ANKRD16: variants seen among roughly 807,000 people sequenced by gnomAD.
The protein encoded by ANKRD16 is ankyrin repeat domain 16.
A neutral mutation model predicts 37.9 loss-of-function variants in ANKRD16; 35 were observed. The ratio of observed to expected loss-of-function variants is 0.92; its 90% CI spans 0.71 to 1.23. The LOEUF is 1.23. Among genes scored for constraint, ANKRD16 ranks in the 50% most tolerant of loss-of-function variants. The probability of loss-of-function intolerance (pLI) is 0.00; values close to 1 mark genes in which losing one functional copy is unlikely to be tolerated. For synonymous variants in ANKRD16, 206 were observed against 197.2 expected (o/e 1.04, Z -0.37); for missense variants, 480 against 469.9 (o/e 1.02, Z -0.20).
At position 5,862,520 on chromosome 10, in the gene ANKRD16, A is replaced by T; in HGVS notation, c.*205T>A. On this transcript the variant is annotated 3_prime_UTR_variant, in exon 8 of 8. Coordinates refer to ENST00000380094, the MANE Select transcript of ANKRD16 (RefSeq NM_019046.3). This position sits in a 1 kb window ranked among gnomAD's most constrained non-coding sequence, Gnocchi z 6.5. ...GGGAGCTGACCTTGGGGGCCAGTGC[A>T]GATGTGGCACTGACTTCACCACTGG... 1 of 1,029,606 alleles carries T rather than the reference A, an allele frequency of 9.7e-7. No individual in the cohort carries two copies. Among genetic ancestry groups the T allele is most frequent in the Non-Finnish European group, 1.3e-6 (1 of 756,990 alleles). 63.8% of individuals were successfully genotyped at this position (1,029,606 alleles called of 1,614,324 possible).
At chr10:5,876,897 T>G (rs577312050) in intron 7 of ANKRD16, among the ~76,000 whole-genome samples, 5 of 152,258 alleles carry the variant, frequency 3.3e-5, no homozygotes, top group Admixed American at 3.3e-4. Context: ...GAAAAAAAAG[T>G]AGAAAAAGAA....
At chr10:5,867,330 A>C (rs1459250072) in intron 7 of ANKRD16, among the ~76,000 whole-genome samples, 4 of 152,148 alleles carry the variant, frequency 2.6e-5, no homozygotes, top group Admixed American at 2.6e-4. Context: ...GAGATTAAGG[A>C]AAAAAGACAC....
chr10:5,879,937 T>C (rs976002205), intron 6 of ANKRD16, among the ~76,000 whole-genome samples: 1 of 151,984 alleles, frequency 6.6e-6, no homozygotes, highest in Non-Finnish European at 1.5e-5. Context: ...GGCAGGTAGA[T>C]TGTTTGAGGT....
At position 5,884,020 on chromosome 10, in the gene ANKRD16, T is replaced by C. The variant is rs1842368931; in HGVS notation, c.636A>G (p.Ala212=). The change falls in exon 4 of 8, where the codon GCA becomes GCG. Residue 212 remains alanine, a synonymous_variant. Coordinates refer to ENST00000380094, the MANE Select transcript of ANKRD16 (RefSeq NM_019046.3). The stretch of plus-strand genomic sequence containing the variant: ...CGACGTCGATGTGCCCACACTGGAT[T>C]GCGTCCATCAAGGCGGTGACGCCAC... ...DNCGVTALMD[A]IQCGHIDVAR... is the part of the protein sequence containing the mutation. The C allele has an allele frequency of 6.2e-7, 1 of 1,614,222 alleles. No individual in the cohort carries two copies. The highest frequency in any genetic ancestry group is 1.1e-5 in the South Asian group (1 of 91,090).
At chr10:5,872,283 AG>A (rs1465211882) in intron 7 of ANKRD16, among the ~76,000 whole-genome samples, 4 of 152,052 alleles carry the variant, frequency 2.6e-5, no homozygotes, top group Non-Finnish European at 4.4e-5. Flanking sequence ...GTTTGAGACC[AG>A]CCTGGCCAAC....
chr10:5,887,743 ATCC>A, intron 2 of ANKRD16, 101 bp downstream of exon 2: 8 of 779,008 alleles, frequency 1.0e-5, no homozygotes, highest in Non-Finnish European at 1.4e-5. Context: ...GTTTTCCAAA[ATCC>A]TCCTTTCCCC....
At chr10:5,867,991 C>T (rs1013545929) in intron 7 of ANKRD16, among the ~76,000 whole-genome samples, 10 of 152,064 alleles carry the variant, frequency 6.6e-5, no homozygotes, top group African/African-American at 1.2e-4. Flanking sequence ...TACGAGATGC[C>T]GCCTGGCGTT....
Position 5,863,555 on chromosome 10 carries a change from G to A in ANKRD16, c.*34-864C>T, listed in dbSNP as rs1841971227. Among the ~76,000 whole-genome samples, 3 of 152,076 alleles carry A rather than the reference G, an allele frequency of 2.0e-5. No homozygotes were observed. In the South Asian group the frequency reaches 6.2e-4, roughly 32 times the overall value. ...AAAATGGACCAATCAGCAGGACGTG[G>A]GCGGGGACAAATAAGAGAATAAAAG... On this transcript the variant is annotated intron_variant, in intron 7 of 7. Coordinates refer to ENST00000380094, the MANE Select transcript of ANKRD16 (RefSeq NM_019046.3). The surrounding 1 kb of genome is among the most constrained non-coding windows in gnomAD (Gnocchi z 4.7).
rs1031312724 is a variant in ANKRD16, at chr10:5,864,173, A to G, written c.*34-1482T>C. Among the ~76,000 whole-genome samples the G allele has an allele frequency of 6.6e-6, 1 of 152,154 alleles. No individual in the cohort carries two copies. The highest frequency in any genetic ancestry group is 6.5e-5 in the Admixed American group (1 of 15,284). ...ATGTCCAAGCTTTCTTTTAAGGAGA[A>G]TCCACAACTATGCAAAGCTTACAAC... On this transcript the variant is annotated intron_variant, in intron 7 of 7. Coordinates refer to ENST00000380094, the MANE Select transcript of ANKRD16 (RefSeq NM_019046.3). This position sits in a 1 kb window ranked among gnomAD's most constrained non-coding sequence, Gnocchi z 4.4.
chr10:5,877,101 G>C (rs1842197153), intron 7 of ANKRD16, among the ~76,000 whole-genome samples: 1 of 133,856 alleles, frequency 7.5e-6, no homozygotes, highest in South Asian at 2.6e-4. Flanking sequence ...AAATATCTTA[G>C]TTACATTTTC....
Position 5,865,425 on chromosome 10 carries a change from T to C in ANKRD16, c.*34-2734A>G, listed in dbSNP as rs1432148136. ...CATCACCCTCACTGAGCCCCAGGTATGTTTAACTATTGAGGGCCAGGAAAT... is the reference window on the plus strand; with the variant it reads ...CATCACCCTCACTGAGCCCCAGGTACGTTTAACTATTGAGGGCCAGGAAAT... On this transcript the variant is annotated intron_variant, in intron 7 of 7. Transcript: ENST00000380094. This position sits in a 1 kb window ranked among gnomAD's most constrained non-coding sequence, Gnocchi z 4.7. Among the ~76,000 whole-genome samples the C allele has an allele frequency of 6.6e-6, 1 of 152,162 alleles. No homozygotes were observed. The highest frequency in any genetic ancestry group is 1.5e-5 in the Non-Finnish European group (1 of 68,036).
chr10:5,883,904 G>C (rs1306196423), intron 4 of ANKRD16, 65 bp downstream of exon 4: 1 of 1,435,030 alleles, frequency 7.0e-7, no homozygotes, highest in East Asian at 2.3e-5. Flanking sequence ...AATGTGCTCT[G>C]CTTAACCTGT....
rs1261903802 is a variant in ANKRD16 at position 5,866,906 on chromosome 10, CAG to C, written c.*34-4217_*34-4216del. Among the ~76,000 whole-genome samples the C allele has an allele frequency of 6.6e-6, 1 of 150,898 alleles. No homozygotes were observed. Among genetic ancestry groups the C allele is most frequent in the East Asian group, 1.9e-4 (1 of 5,138 alleles). On this transcript the variant is annotated intron_variant, in intron 7 of 7. Coordinates refer to ENST00000380094, the MANE Select transcript of ANKRD16 (RefSeq NM_019046.3). This position sits in a 1 kb window ranked among gnomAD's most constrained non-coding sequence, Gnocchi z 4.3. ...GAGGAAGAGACAGACAAAGAAGAGT[CAG>C]AGAGAGAGAAACAGAAAGTCAAAGA...
At chr10:5,883,611 C>G (rs547318462) in intron 4 of ANKRD16, among the ~76,000 whole-genome samples, 10 of 152,292 alleles carry the variant, frequency 6.6e-5, no homozygotes, top group African/African-American at 2.4e-4. Context: ...AAAGGGCTCT[C>G]TAATCAAAAA....
At chr10:5,881,438 T>TTATAAATAAATATATATATATA (rs1422263395) in intron 5 of ANKRD16, among the ~76,000 whole-genome samples, 1 of 51,026 alleles carries the variant, frequency 2.0e-5, no homozygotes, top group Non-Finnish European at 3.8e-5. Context: ...AAAATATTAT[T>TTATAAATAAATATATATATATA]TATATATATA....
chr10:5,881,377 A>G (rs1352547120), intron 5 of ANKRD16, among the ~76,000 whole-genome samples: 1 of 147,392 alleles, frequency 6.8e-6, no homozygotes, highest in African/African-American at 2.5e-5. Context: ...CATAAATGGG[A>G]ATTCCTATTA....
At chr10:5,872,181 T>G (rs1479464478) in intron 7 of ANKRD16, among the ~76,000 whole-genome samples, 2 of 151,986 alleles carry the variant, frequency 1.3e-5, no homozygotes, top group African/African-American at 2.4e-5. Flanking sequence ...GATTTGCTTG[T>G]AAAATAAAGT....
In ANKRD16 at chr10:5,864,693, G is replaced by A. The variant is rs901978203; in HGVS notation, c.*34-2002C>T. ...CAAATTCCCTACTGGTCAGCAAGCC[G>A]TCCCCATTATGGATCTCCAGTGGGA... On this transcript the variant is annotated intron_variant, in intron 7 of 7. Coordinates refer to ENST00000380094, the MANE Select transcript of ANKRD16 (RefSeq NM_019046.3). The surrounding 1 kb of genome is among the most constrained non-coding windows in gnomAD (Gnocchi z 4.4). Among the ~76,000 whole-genome samples, 7 of 151,762 alleles carry A rather than the reference G, an allele frequency of 4.6e-5. No homozygotes were observed. In the East Asian group the frequency reaches 7.7e-4, roughly 17 times the overall value.
chr10:5,864,334 A>C lies in ANKRD16; in HGVS notation c.*34-1643T>G, dbSNP rs1841985112. 6.6e-6 allele frequency among the ~76,000 whole-genome samples: 1 copy of C among 150,732 alleles called. No individual in the cohort carries two copies. Among genetic ancestry groups the C allele is most frequent in the East Asian group, 1.9e-4 (1 of 5,156 alleles). On this transcript the variant is annotated intron_variant, in intron 7 of 7. Coordinates refer to ENST00000380094, the MANE Select transcript of ANKRD16 (RefSeq NM_019046.3). This position sits in a 1 kb window ranked among gnomAD's most constrained non-coding sequence, Gnocchi z 4.4. ...GCAAAGAAATCTCCAAGGGACCACA[A>C]CCTCCCCCCCACCCCTGCTATCGGT... is the stretch of plus-strand genomic sequence containing the variant.
Sources: gnomAD v4.1 joint callset for allele counts (sites outside exome capture counted in the v4.1 genomes callset) on GRCh38, gnomAD v4.1.1 for gene constraint, Gnocchi (gnomAD v3.1) non-coding constraint, MANE v1.5 for transcripts, NCBI Gene and HGNC (gene_info 2026-07-23, HGNC 2026-07-21) for gene names.